PODN: variants seen among roughly 807,000 people sequenced by gnomAD.
PODN encodes the protein podocan.
A neutral mutation model predicts 52.7 loss-of-function variants in PODN; 40 were observed. The observed-to-expected ratio is 0.76, with a 90% confidence interval of 0.59 to 0.99. The LOEUF (loss-of-function observed/expected upper bound fraction) is 0.99. PODN is among the 50% of genes least tolerant of loss of function. PODN has a pLI of 0.00. For missense variants in PODN, 720 were observed against 815.1 expected (o/e 0.88, Z 1.42); for synonymous variants, 396 against 377.9 (o/e 1.05, Z -0.56).
At chr1:53,064,928 C>G (rs529572146) in intron 1 of PODN, among the ~76,000 whole-genome samples, 2 of 152,232 alleles carry the variant, frequency 1.3e-5, no homozygotes, top group Non-Finnish European at 2.9e-5. Flanking sequence ...TGAGCTTCCC[C>G]GCTGTCCAGG....
At position 53,078,729 on chromosome 1, in the gene PODN, G is replaced by A. The variant is rs1004730404; in HGVS notation, c.1219G>A (p.Glu407Lys). The A allele has an allele frequency of 1.2e-6, 2 of 1,613,356 alleles. No individual in the cohort carries two copies. Among genetic ancestry groups the A allele is most frequent in the African/African-American group, 2.7e-5 (2 of 74,946 alleles). Residue 407 changes from glutamate (E) to lysine (K), a missense_variant, in exon 8 of 11, where the codon GAG becomes AAG. By Grantham distance (56) the Glu-to-Lys change is moderately conservative. Coordinates refer to ENST00000312553, the MANE Select transcript of PODN (RefSeq NM_153703.5). The part of the protein sequence containing the change: ...REDFATTYFL[E>K]ELNLSYNRIT... ...AGACTTTGCCACCACCTACTTCCTG[G>A]AGGAGCTCAACCTCAGCTACAACCG...
At chr1:53,066,871 T>G in intron 1 of PODN, 2 of 1,549,090 alleles carry the variant, frequency 1.3e-6, no homozygotes, top group African/African-American at 1.4e-5. Flanking sequence ...CTGCCTGGTA[T>G]GTGCACAGGA....
chr1:53,068,292 C>T (rs1445879623), intron 1 of PODN, among the ~76,000 whole-genome samples: 2 of 152,190 alleles, frequency 1.3e-5, no homozygotes, highest in African/African-American at 2.4e-5. Flanking sequence ...TTTACAAAAC[C>T]CTCCTAGGAC....
rs1644306174 is a variant in PODN, at chr1:53,082,173, T to C, written c.*12T>C. The C allele has an allele frequency of 1.9e-6, 3 of 1,588,510 alleles. No homozygotes were observed. The African/African-American group carries it at 4.0e-5, about 21-fold the overall frequency. On this transcript the variant is annotated 3_prime_UTR_variant, in exon 10 of 11. Coordinates refer to ENST00000312553, the MANE Select transcript of PODN (RefSeq NM_153703.5). ...AGGAAACAAGATAGTGACAAGGTGA[T>C]GCAGATGTGACCTAGGTATGTGGCC... is the stretch of plus-strand genomic sequence containing the variant.
chr1:53,062,481 T>A lies in PODN; in HGVS notation c.-56+173T>A, dbSNP rs575243878. 2.3e-3 allele frequency among the ~76,000 whole-genome samples: 357 copies of A among 152,296 alleles called. 1 individual carries two copies. The highest frequency in any genetic ancestry group is 0.017 in the Middle Eastern group (5 of 294). On this transcript the variant is annotated intron_variant, in intron 1 of 10. Coordinates refer to ENST00000312553, the MANE Select transcript of PODN (RefSeq NM_153703.5). ...CAGGGCACGGCCGGAGATCTCCTCC[T>A]CTGGAGTGCGACCCCTGCGCAGTCA...
At chr1:53,068,781 G>A (rs1644069294) in intron 1 of PODN, among the ~76,000 whole-genome samples, 1 of 152,128 alleles carries the variant, frequency 6.6e-6, no homozygotes, top group Non-Finnish European at 1.5e-5. Flanking sequence ...AACCCACCAA[G>A]AGCCAAGCCT....
intron 1 of PODN, among the ~76,000 whole-genome samples, chr1:53,067,913 C>CT (rs1327067265): frequency 1.1e-5 from 1 of 87,040 alleles, no homozygotes; most frequent in Non-Finnish European, 1.9e-5. Flanking sequence ...GAGGCCTTGT[C>CT]TTAAAAAAAA....
At chr1:53,070,613 C>G (rs1644103090) in intron 2 of PODN, among the ~76,000 whole-genome samples, 1 of 152,232 alleles carries the variant, frequency 6.6e-6, no homozygotes, top group Non-Finnish European at 1.5e-5. Flanking sequence ...GAATTTGGAA[C>G]CTTGAGAGGT....
rs766627627 is a variant in PODN, at chr1:53,070,092, C to T, written c.237C>T (p.Val79=). 26 of 1,612,818 alleles carry T rather than the reference C, an allele frequency of 1.6e-5. No homozygotes were observed. The highest frequency in any genetic ancestry group is 5.0e-5 in the Admixed American group (3 of 59,994). The change falls in exon 2 of 11, where the codon GTC becomes GTT. Residue 79 remains valine (V), a synonymous_variant. Transcript: ENST00000312553. Reference sequence around the variant, plus strand: ...ACTGTGCCTGTTCCCAGGAGGGCGTCGTGGACTGTGGCGGTATTGACCTGC... The same window carrying T: ...ACTGTGCCTGTTCCCAGGAGGGCGTTGTGGACTGTGGCGGTATTGACCTGC... ...PRDCACSQEG[V]VDCGGIDLRE... is the part of the protein sequence containing the mutation.
intron 4 of PODN, 88 bp downstream of exon 4, chr1:53,074,758 T>G: frequency 7.8e-7 from 1 of 1,280,452 alleles, no homozygotes; most frequent in Non-Finnish European, 1.1e-6. Flanking sequence ...ACCAGGGCCT[T>G]TCTGGACTCC....
At position 53,065,721 on chromosome 1, in the gene PODN, C is replaced by T. The variant is rs116118604; in HGVS notation, c.-56+3413C>T. On this transcript the variant is annotated intron_variant, in intron 1 of 10. Coordinates refer to ENST00000312553, the MANE Select transcript of PODN (RefSeq NM_153703.5). The stretch of plus-strand genomic sequence containing the variant: ...TGCCCTTCATGTCTCTCCTTTGTGG[C>T]CTGGGCTTGTGGCGACTGTGCCTTT... Among the ~76,000 whole-genome samples the T allele has an allele frequency of 5.9e-3, 898 of 152,332 alleles. 8 individuals are homozygous for T. The highest frequency in any genetic ancestry group is 0.021 in the African/African-American group (869 of 41,574).
chr1:53,079,059 A>AG, intron 8 of PODN, 37 bp downstream of exon 8: 1 of 1,479,550 alleles, frequency 6.8e-7, no homozygotes, highest in Non-Finnish European at 9.0e-7. Flanking sequence ...ATGCCCATGG[A>AG]GGGGGGTACT....
At chr1:53,080,983 A>C in intron 9 of PODN, 107 bp downstream of exon 9, 1 of 1,426,318 alleles carries the variant, frequency 7.0e-7, no homozygotes, top group Non-Finnish European at 9.6e-7. Context: ...CTGCCTGTGT[A>C]ACCACGGCTC....
intron 2 of PODN, 103 bp from the exon 3 acceptor site, chr1:53,071,432 C>T (rs1335563233): frequency 1.7e-4 from 167 of 976,170 alleles, no homozygotes; most frequent in Non-Finnish European, 3.3e-5. Context: ...AGGTGCCCAG[C>T]AGGTGGACTG....
chr1:53,077,356 G>A lies in PODN; in HGVS notation c.738+10G>A, dbSNP rs1339107785. The A allele has an allele frequency of 6.2e-7, 1 of 1,612,236 alleles. No individual in the cohort carries two copies. The highest frequency in any genetic ancestry group is 1.1e-5 in the South Asian group (1 of 90,998). On this transcript the variant is annotated intron_variant, in intron 6 of 10. Transcript: ENST00000312553. ...CAAGCTGCACCTCAAGGTGGGCAGG[G>A]GAGGGGTAAGGAGGGGCACAGCAGA...
At chr1:53,081,498 T>G (rs961222594) in intron 9 of PODN, among the ~76,000 whole-genome samples, 1 of 152,206 alleles carries the variant, frequency 6.6e-6, no homozygotes, top group African/African-American at 2.4e-5. Context: ...GCAGGGTAGC[T>G]GAAGCACAGA....
chr1:53,078,343 C>T (rs767405833), intron 7 of PODN, 22 bp from the exon 8 acceptor site: 12 of 1,599,794 alleles, frequency 7.5e-6, no homozygotes, highest in Admixed American at 1.7e-5. Context: ...TGCCAACCGT[C>T]CTAATTCCCT....
chr1:53,080,920 A>G, intron 9 of PODN, 44 bp downstream of exon 9: 2 of 1,604,652 alleles, frequency 1.2e-6, no homozygotes, highest in Non-Finnish European at 8.5e-7. Context: ...CGTGGGGCCC[A>G]CCCTGGCTCC....
intron 5 of PODN, 38 bp from the exon 6 acceptor site, chr1:53,077,152 G>T (rs1239900822): frequency 3.1e-6 from 5 of 1,605,316 alleles, no homozygotes; most frequent in Non-Finnish European, 4.3e-6. Flanking sequence ...AGGGCCTGGG[G>T]AGCCCAGGTG....
Sources: gnomAD v4.1 joint callset for allele counts (sites outside exome capture counted in the v4.1 genomes callset) on GRCh38, gnomAD v4.1.1 for gene constraint, MANE v1.5 for transcripts, NCBI Gene and HGNC (gene_info 2026-07-23, HGNC 2026-07-21) for gene names.